Variants in CSMD3 observed in about 807,000 individuals in gnomAD.
CSMD3 encodes CUB and Sushi multiple domains 3, also known as CUB and sushi domain-containing protein 3.
A neutral mutation model predicts 435.2 loss-of-function variants in CSMD3; 177 were observed. The observed-to-expected ratio is 0.41, with a 90% CI of 0.36 to 0.46. CSMD3 has a LOEUF of 0.46. Ranked by LOEUF, CSMD3 falls within the 20% of genes least tolerant of loss-of-function variation. The pLI, the probability that CSMD3 is intolerant of heterozygous loss-of-function variation, is 0.34. For synonymous variants in CSMD3, 1,656 were observed against 1,520.5 expected (o/e 1.09, Z -2.07); for missense variants, 4,265 against 4,504.6 (o/e 0.95, Z 1.52).
chr8:113,357,248 C>T (rs1264627690), intron 1 of CSMD3, among the ~76,000 whole-genome samples: 1 of 152,154 alleles, frequency 6.6e-6, no homozygotes, highest in Non-Finnish European at 1.5e-5. Context: ...TTAGCCCTTT[C>T]AAAACTTCTG....
intron 3 of CSMD3, among the ~76,000 whole-genome samples, chr8:113,189,728 G>A (rs1014832320): frequency 1.3e-5 from 2 of 151,744 alleles, no homozygotes; most frequent in Admixed American, 6.6e-5. Flanking sequence ...TGCAAGAAAT[G>A]TCAGAAAGGA....
At chr8:112,633,830 C>G (rs1476244585) in intron 22 of CSMD3, among the ~76,000 whole-genome samples, 2 of 151,962 alleles carry the variant, frequency 1.3e-5, no homozygotes, top group Non-Finnish European at 2.9e-5. Flanking sequence ...TATATACACA[C>G]AAATCGCTTT....
intron 10 of CSMD3, among the ~76,000 whole-genome samples, chr8:112,870,480 G>C (rs1376148664): frequency 1.3e-5 from 2 of 151,204 alleles, no homozygotes; most frequent in African/African-American, 4.9e-5. Context: ...GTTTCACAGT[G>C]TTAGCCAGGA....
At position 112,814,333 on chromosome 8, in the gene CSMD3, G is replaced by A. The variant is rs148444789; in HGVS notation, c.1860-14059C>T. Among the ~76,000 whole-genome samples, 60 of 152,304 alleles carry A rather than the reference G, an allele frequency of 3.9e-4. 1 individual carries two copies. The highest frequency in any genetic ancestry group is 1.4e-3 in the African/African-American group (59 of 41,574). On this transcript the variant is annotated intron_variant, in intron 12 of 70. Coordinates refer to ENST00000297405, the MANE Select transcript of CSMD3 (RefSeq NM_198123.2). ...GTATTGAAAAAGGGTGTGTTCAGGT[G>A]TGCTTACATTCCTGGTCTTCTCTCT...
chr8:112,983,430 T>C (rs1046628143), intron 6 of CSMD3, among the ~76,000 whole-genome samples: 3 of 151,528 alleles, frequency 2.0e-5, no homozygotes, highest in African/African-American at 7.3e-5. Context: ...ACCAAGAAAC[T>C]ACGCTTATCC....
intron 3 of CSMD3, among the ~76,000 whole-genome samples, chr8:113,218,466 CAAAA>C (rs35840130): frequency 1.1e-5 from 1 of 94,826 alleles, no homozygotes. Context: ...TAAAGTGCTA[CAAAA>C]AAAAAAAAAA....
At chr8:112,577,468 A>T (rs1830033628) in intron 23 of CSMD3, among the ~76,000 whole-genome samples, 1 of 152,076 alleles carries the variant, frequency 6.6e-6, no homozygotes, top group Non-Finnish European at 1.5e-5. Flanking sequence ...TTCTAATTAA[A>T]ATCAAGACCT....
intron 5 of CSMD3, among the ~76,000 whole-genome samples, chr8:113,041,372 T>G (rs2087609233): frequency 6.6e-6 from 1 of 152,108 alleles, no homozygotes; most frequent in South Asian, 2.1e-4. Context: ...AATTCCACTC[T>G]CACTTCTCAT....
chr8:112,652,868 G>A (rs2075162324), intron 18 of CSMD3, among the ~76,000 whole-genome samples: 1 of 152,052 alleles, frequency 6.6e-6, no homozygotes, highest in Non-Finnish European at 1.5e-5. Context: ...GAATGCAGTG[G>A]CTAATCTTGG....
chr8:112,538,839 T>A (rs1161942490), intron 27 of CSMD3: 2 of 152,082 alleles, frequency 1.3e-5, no homozygotes. Flanking sequence ...TCCTTGGCCA[T>A]CTTGGTGGGT....
At chr8:112,421,850 A>G in intron 32 of CSMD3, among the ~76,000 whole-genome samples, 1 of 151,854 alleles carries the variant, frequency 6.6e-6, no homozygotes, top group East Asian at 1.9e-4. Context: ...CATTCATTAA[A>G]CCCTTACTAT....
chr8:113,161,269 C>T (rs1246865370), intron 4 of CSMD3, among the ~76,000 whole-genome samples: 3 of 152,004 alleles, frequency 2.0e-5, no homozygotes, highest in Non-Finnish European at 2.9e-5. Context: ...TGGAAAGTTG[C>T]AAAGGTTCTA....
chr8:112,766,513 C>A (rs2132172664), intron 13 of CSMD3, among the ~76,000 whole-genome samples: 1 of 151,772 alleles, frequency 6.6e-6, no homozygotes, highest in East Asian at 1.9e-4. Context: ...AAAGTTACTG[C>A]TATAGATAAA....
chr8:112,725,247 C>A (rs184078601), intron 13 of CSMD3, among the ~76,000 whole-genome samples: 1 of 151,976 alleles, frequency 6.6e-6, no homozygotes. Context: ...AGAAGGGAGG[C>A]TGGCTAAACT....
At chr8:113,400,029 A>G (rs1045533238) in intron 1 of CSMD3, among the ~76,000 whole-genome samples, 1 of 151,840 alleles carries the variant, frequency 6.6e-6, no homozygotes, top group African/African-American at 2.4e-5. Flanking sequence ...ATGAAAGGCA[A>G]TGGTGACAGA....
intron 3 of CSMD3, among the ~76,000 whole-genome samples, chr8:113,257,280 A>C (rs552926025): frequency 6.6e-6 from 1 of 152,214 alleles, no homozygotes; most frequent in South Asian, 2.1e-4. Flanking sequence ...GCATGGTGGC[A>C]GGTGCCTGTA....
chr8:112,734,350 T>C (rs1217374100), intron 13 of CSMD3, among the ~76,000 whole-genome samples: 1 of 151,518 alleles, frequency 6.6e-6, no homozygotes, highest in African/African-American at 2.4e-5. Flanking sequence ...AGAAGAACAA[T>C]GGAGTGGTTA....
chr8:112,897,923 C>G (rs779493698), intron 10 of CSMD3, among the ~76,000 whole-genome samples: 1 of 151,068 alleles, frequency 6.6e-6, no homozygotes, highest in Non-Finnish European at 1.5e-5. Context: ...TATTAGAAGG[C>G]TAACAGACTG....
chr8:112,993,740 T>G (rs978395181), intron 6 of CSMD3, among the ~76,000 whole-genome samples: 8 of 151,722 alleles, frequency 5.3e-5, no homozygotes, highest in African/African-American at 1.9e-4. Context: ...AATGAAGACC[T>G]CTTTGATACA....
Sources: allele counts gnomAD v4.1 joint callset (sites outside exome capture counted in the v4.1 genomes callset), GRCh38; gene constraint gnomAD v4.1.1; transcripts MANE v1.5; gene names NCBI Gene and HGNC (gene_info 2026-07-23, HGNC 2026-07-21).